The following RNF150 variants were observed in gnomAD, a reference collection of about 807,000 sequenced individuals.
RNF150 encodes ring finger protein 150.
In RNF150, 24 loss-of-function variants were observed where a neutral mutation model predicts 39.3. That is an observed-to-expected ratio of 0.61 (90% CI 0.44 to 0.86). The LOEUF (loss-of-function observed/expected upper bound fraction) is 0.86, where lower values mean the gene tolerates loss of function less well. Among genes scored for constraint, RNF150 ranks in the 40% least tolerant of loss-of-function variants. The pLI is 0.00. For synonymous variants in RNF150, 255 were observed against 227.3 expected (o/e 1.12, Z -1.10); for missense variants, 502 against 587.8 (o/e 0.85, Z 1.51).
chr4:140,999,972 G>GAA (rs1560678556), intron 1 of RNF150, among the ~76,000 whole-genome samples: 1 of 30,012 alleles, frequency 3.3e-5, no homozygotes, highest in Non-Finnish European at 9.8e-5. Flanking sequence ...AGAAGAAGAA[G>GAA]AAGAAAAGAA....
chr4:141,071,305 C>G, intron 1 of RNF150, among the ~76,000 whole-genome samples: 1 of 150,130 alleles, frequency 6.7e-6, no homozygotes, highest in South Asian at 2.1e-4. Context: ...GTGGGTGCAG[C>G]GCACCGGCAT....
chr4:141,079,363 T>C (rs558749171), intron 1 of RNF150, among the ~76,000 whole-genome samples: 1 of 152,352 alleles, frequency 6.6e-6, no homozygotes, highest in South Asian at 2.1e-4. Flanking sequence ...CTGCTTTTTT[T>C]CCTTTTTTAT....
intron 1 of RNF150, among the ~76,000 whole-genome samples, chr4:141,210,072 CA>C (rs963109562): frequency 4.4e-4 from 67 of 152,076 alleles, no homozygotes; most frequent in African/African-American, 1.5e-3. Flanking sequence ...TTATAAAAGC[CA>C]AAATTATTTG....
At chr4:140,941,077 A>C (rs1220101508) in intron 4 of RNF150, among the ~76,000 whole-genome samples, 3 of 152,198 alleles carry the variant, frequency 2.0e-5, no homozygotes, top group Admixed American at 2.0e-4. Flanking sequence ...AGAAGAAAAA[A>C]AATAATAAGA....
In RNF150 at chr4:141,072,990, G is replaced by C. The variant is rs566365495; in HGVS notation, c.484+59335C>G. ...TCAATGTCATCTACCTTGCTTGATA[G>C]GTAAACCATCACTAGAGGAAGTACC... On this transcript the variant is annotated intron_variant, in intron 1 of 6. Coordinates refer to ENST00000515673, the MANE Select transcript of RNF150 (RefSeq NM_020724.2). Among the ~76,000 whole-genome samples, 4 of 152,120 alleles carry C rather than the reference G, an allele frequency of 2.6e-5. No homozygotes were observed. The East Asian group carries it at 7.7e-4, about 29-fold the overall frequency.
chr4:141,201,091 C>T (rs1226341346), intron 1 of RNF150, among the ~76,000 whole-genome samples: 3 of 151,278 alleles, frequency 2.0e-5, no homozygotes, highest in African/African-American at 7.3e-5. Context: ...ATTATTATTT[C>T]AGATCTTTAC....
chr4:141,053,977 A>G (rs1207443323), intron 1 of RNF150, among the ~76,000 whole-genome samples: 4 of 152,098 alleles, frequency 2.6e-5, no homozygotes, highest in Non-Finnish European at 5.9e-5. Flanking sequence ...CCTTCTAAAA[A>G]CTGCATATTT....
At position 140,925,962 on chromosome 4, in the gene RNF150, C is replaced by G. The variant is rs1210914233; in HGVS notation, c.987+15G>C. 4 of 1,553,592 alleles carry G rather than the reference C, an allele frequency of 2.6e-6. No homozygotes were observed. Among genetic ancestry groups the G allele is most frequent in the Non-Finnish European group, 3.6e-6 (4 of 1,124,906 alleles). ...AAGACAGACATTATAATGCTGTAGG[C>G]TGTGCTGTGCTTACCGGGATCCCTA... On this transcript the variant is annotated intron_variant, in intron 5 of 6. Transcript: ENST00000515673.
intron 1 of RNF150, among the ~76,000 whole-genome samples, chr4:141,156,152 G>C (rs1727393923): frequency 6.6e-6 from 1 of 152,030 alleles, no homozygotes; most frequent in South Asian, 2.1e-4. Flanking sequence ...TGGAAACCCT[G>C]TTTCTAAGCT....
chr4:140,991,974 T>C (rs1013915434), intron 1 of RNF150, among the ~76,000 whole-genome samples: 1 of 152,162 alleles, frequency 6.6e-6, no homozygotes, highest in Non-Finnish European at 1.5e-5. Context: ...TGCAATCTAG[T>C]AAATCTGGTT....
At chr4:141,000,847 T>C (rs1169571323) in intron 1 of RNF150, among the ~76,000 whole-genome samples, 2 of 152,182 alleles carry the variant, frequency 1.3e-5, no homozygotes, top group Non-Finnish European at 2.9e-5. Flanking sequence ...TTTTTTCAAC[T>C]TGCTAGAATC....
intron 4 of RNF150, among the ~76,000 whole-genome samples, chr4:140,931,689 T>C (rs1326123072): frequency 6.6e-6 from 1 of 152,180 alleles, no homozygotes; most frequent in African/African-American, 2.4e-5. Flanking sequence ...TCCCGACAAA[T>C]TGGAAATACA....
intron 5 of RNF150, among the ~76,000 whole-genome samples, chr4:140,912,959 T>TAAAAAAAAAAAAAAAAAAAAAAAAAAAAA: frequency 7.2e-6 from 1 of 138,140 alleles, no homozygotes; most frequent in Admixed American, 7.0e-5. Context: ...CATCAGAACA[T>TAAAAAAAAAAAAAAAAAAAAAAAAAAAAA]AAAAAAAAAA....
chr4:140,949,386 A>T lies in RNF150; in HGVS notation c.736-14T>A. On this transcript the variant is annotated splice_polypyrimidine_tract_variant and intron_variant, in intron 2 of 6. Transcript: ENST00000515673. Reference sequence around the variant, plus strand: ...CCCCAGTCGGCGCTGAAAAGCCAAAACGTGCTTGTTAATAATAAAGATCTG... The same window carrying T: ...CCCCAGTCGGCGCTGAAAAGCCAAATCGTGCTTGTTAATAATAAAGATCTG... The T allele has an allele frequency of 6.2e-7, 1 of 1,610,554 alleles. No individual in the cohort carries two copies. Among genetic ancestry groups the T allele is most frequent in the South Asian group, 1.1e-5 (1 of 90,532 alleles).
intron 1 of RNF150, among the ~76,000 whole-genome samples, chr4:141,147,408 G>A (rs904421801): frequency 2.4e-4 from 36 of 152,270 alleles, no homozygotes; most frequent in South Asian, 1.0e-3. Context: ...AAGAGAGAGC[G>A]TGAAAGATTA....
chr4:141,119,838 G>A (rs137921481), intron 1 of RNF150, among the ~76,000 whole-genome samples: 1 of 152,314 alleles, frequency 6.6e-6, no homozygotes, highest in African/African-American at 2.4e-5. Context: ...AGGTTAGCGA[G>A]TAGATGAATC....
At chr4:141,028,360 G>A (rs965345553) in intron 1 of RNF150, among the ~76,000 whole-genome samples, 1 of 152,146 alleles carries the variant, frequency 6.6e-6, no homozygotes, top group Non-Finnish European at 1.5e-5. Context: ...CTTAAGGACT[G>A]GAGCATATCT....
chr4:140,900,345 A>G (rs989224061), intron 6 of RNF150, among the ~76,000 whole-genome samples: 4 of 152,180 alleles, frequency 2.6e-5, no homozygotes, highest in African/African-American at 9.7e-5. Context: ...TGGGTTGCCA[A>G]TTTACTGATG....
At chr4:141,033,980 T>G (rs923538525) in intron 1 of RNF150, among the ~76,000 whole-genome samples, 1 of 152,218 alleles carries the variant, frequency 6.6e-6, no homozygotes, top group Non-Finnish European at 1.5e-5. Flanking sequence ...CATTTTAAAG[T>G]CACCAGCTGC....
Sources: allele counts gnomAD v4.1 joint callset (sites outside exome capture counted in the v4.1 genomes callset), GRCh38; gene constraint gnomAD v4.1.1; transcripts MANE v1.5; gene names NCBI Gene and HGNC (gene_info 2026-07-23, HGNC 2026-07-21).